The following KCNA3 variants were observed in gnomAD, a reference collection of about 807,000 sequenced individuals.
KCNA3 encodes the protein potassium voltage-gated channel subfamily A member 3, also known as RP11-284N8.3.
KCNA3 carries 18 observed loss-of-function variants against 34.3 expected under a neutral mutation model. The ratio of observed to expected loss-of-function variants is 0.52; its 90% CI spans 0.36 to 0.78. The LOEUF (loss-of-function observed/expected upper bound fraction) is 0.78. KCNA3 is among the 30% of genes least tolerant of loss of function. The pLI, the probability that KCNA3 is intolerant of heterozygous loss-of-function variation, is 0.00. For synonymous variants in KCNA3, 324 were observed against 351.7 expected, an observed-to-expected ratio of 0.92 and a Z score of 0.88; for missense variants, 587 against 802.5, an observed-to-expected ratio of 0.73 and a Z score of 3.24.
chr1:110,668,498 TAAC>T (rs1651767646), downstream of KCNA3, among the ~76,000 whole-genome samples: 1 of 152,096 alleles, frequency 6.6e-6, no homozygotes, highest in African/African-American at 2.4e-5. Context: ...AAAAGGTAAA[TAAC>T]AAGTTTTATG....
chr1:110,660,510 AAG>A, the KCNA3 span, among the ~76,000 whole-genome samples: 28 of 150,116 alleles, frequency 1.9e-4, no homozygotes, highest in Middle Eastern at 3.5e-3. Flanking sequence ...TGGAGAGAAA[AAG>A]AGAGAGAGAG....
chr1:110,673,775 G>A lies in KCNA3; in HGVS notation c.1035C>T (p.Thr345=). ...AIIPYFITLG[T]ELAERQGNGQ... ...CATTGCCCTGTCGTTCGGCCAGCTC[G>A]GTACCCAGAGTGATAAAATAAGGAA... is the stretch of plus-strand genomic sequence containing the variant. The change falls in exon 1 of 1, where the codon ACC becomes ACT. Residue 345 remains threonine, a synonymous_variant. Coordinates refer to ENST00000369769, the MANE Select transcript of KCNA3 (RefSeq NM_002232.5). This position sits in a 1 kb window ranked among gnomAD's most constrained non-coding sequence, Gnocchi z 8.8. 1 of 1,614,102 alleles carries A rather than the reference G, an allele frequency of 6.2e-7. No individual in the cohort carries two copies. Among genetic ancestry groups the A allele is most frequent in the Non-Finnish European group, 8.5e-7 (1 of 1,180,032 alleles).
downstream of KCNA3, among the ~76,000 whole-genome samples, chr1:110,671,324 A>C (rs995287690): frequency 6.6e-6 from 1 of 152,256 alleles, no homozygotes; most frequent in African/African-American, 2.4e-5. Context: ...AAATCAAATG[A>C]GAAAGGTGTA....
In KCNA3 at chr1:110,672,758, T is replaced by C. The variant is rs1202611181; in HGVS notation, c.*324A>G. 2 of 245,314 alleles carry C rather than the reference T, an allele frequency of 8.2e-6. No individual in the cohort carries two copies. Among genetic ancestry groups the C allele is most frequent in the African/African-American group, 4.5e-5 (2 of 44,806 alleles). The allele number at this position is 245,314 out of a possible 1,614,324, so 15.2% of individuals were successfully genotyped here. Reference sequence around the variant, plus strand: ...TTAAACAGTTACTCTAACTGTTCTTTAGTTTCATTTCCTCCCAGGATGTAC... The same window carrying C: ...TTAAACAGTTACTCTAACTGTTCTTCAGTTTCATTTCCTCCCAGGATGTAC... On this transcript the variant is annotated 3_prime_UTR_variant, in exon 1 of 1. Transcript: ENST00000369769.
the KCNA3 span, among the ~76,000 whole-genome samples, chr1:110,660,199 ATTTCT>A: frequency 1.3e-5 from 2 of 152,194 alleles, no homozygotes; most frequent in African/African-American, 4.8e-5. Context: ...TTAACTACAT[ATTTCT>A]TTTAATTTGT....
At chr1:110,672,109 C>A (rs543876715), downstream of KCNA3, among the ~76,000 whole-genome samples, 1 of 152,262 alleles carries the variant, frequency 6.6e-6, no homozygotes, top group Non-Finnish European at 1.5e-5. Flanking sequence ...ACTGTGGAAA[C>A]GGCAGGGGCT....
chr1:110,661,058 A>G, the KCNA3 span, among the ~76,000 whole-genome samples: 2 of 152,186 alleles, frequency 1.3e-5, no homozygotes, highest in Non-Finnish European at 2.9e-5. Flanking sequence ...ACAAAAATAA[A>G]CCCAGCTATA....
At chr1:110,662,178 G>A in the KCNA3 span, among the ~76,000 whole-genome samples, 1 of 150,150 alleles carries the variant, frequency 6.7e-6, no homozygotes, top group Non-Finnish European at 1.5e-5. Context: ...GGGTTGAAAG[G>A]CTTAGAAGAA....
At chr1:110,660,198 T>A in the KCNA3 span, among the ~76,000 whole-genome samples, 1 of 152,220 alleles carries the variant, frequency 6.6e-6, no homozygotes, top group South Asian at 2.1e-4. Flanking sequence ...ATTAACTACA[T>A]ATTTCTTTTA....
Position 110,674,358 on chromosome 1 carries a change from C to A in KCNA3, c.452G>T (p.Arg151Leu). Residue 151 changes from arginine to leucine, a missense_variant, in exon 1 of 1, where the codon CGC becomes CTC. Coordinates refer to ENST00000369769, the MANE Select transcript of KCNA3 (RefSeq NM_002232.5). The surrounding 1 kb of genome is among the most constrained non-coding windows in gnomAD (Gnocchi z 6.4). The stretch of plus-strand genomic sequence containing the variant: ...GATGGCGTCGAAGCTGGGCCGGTTG[C>A]GGTCGAAGAAGTACTCGTTGCGGAG... Reference protein sequence around the residue: ...DPLRNEYFFDRNRPSFDAILY... With the variant: ...DPLRNEYFFDLNRPSFDAILY... 1 of 1,614,162 alleles carries A rather than the reference C, an allele frequency of 6.2e-7. No homozygotes were observed. Among genetic ancestry groups the A allele is most frequent in the Non-Finnish European group, 8.5e-7 (1 of 1,180,010 alleles).
the KCNA3 span, among the ~76,000 whole-genome samples, chr1:110,667,072 T>G: frequency 6.6e-6 from 1 of 152,044 alleles, no homozygotes; most frequent in South Asian, 2.1e-4. Flanking sequence ...GTGAGGGGTG[T>G]GTGTGTGTGT....
chr1:110,668,417 T>C (rs1651764119), downstream of KCNA3, among the ~76,000 whole-genome samples: 2 of 152,268 alleles, frequency 1.3e-5, no homozygotes, highest in South Asian at 4.1e-4. Flanking sequence ...AGGAACAGAC[T>C]ACTAGTATAT....
chr1:110,674,075 G>A lies in KCNA3; in HGVS notation c.735C>T (p.Leu245=). Residue 245 remains leucine (L), a synonymous_variant, in exon 1 of 1, where the codon CTC becomes CTT. Transcript: ENST00000369769. This position sits in a 1 kb window ranked among gnomAD's most constrained non-coding sequence, Gnocchi z 6.4. ...GIAIVSVLVI[L]ISIVIFCLET... ...CCAGGCAGAAGATGACAATGGAGAT[G>A]AGGATGACCAGCACGGACACGATGG... 1 of 1,608,684 alleles carries A rather than the reference G, an allele frequency of 6.2e-7. No homozygotes were observed. The highest frequency in any genetic ancestry group is 8.5e-7 in the Non-Finnish European group (1 of 1,177,322).
chr1:110,673,951 C>T lies in KCNA3; in HGVS notation c.859G>A (p.Gly287Arg), dbSNP rs887429336. The T allele has an allele frequency of 1.1e-5, 17 of 1,614,018 alleles. No homozygotes were observed. Among genetic ancestry groups the T allele is most frequent in the Non-Finnish European group, 1.3e-5 (15 of 1,180,000 alleles). ...AGNSTSGSRA[G>R]ASSFSDPFFV... is the part of the protein sequence containing the mutation. The stretch of plus-strand genomic sequence containing the variant: ...AAGGGATCGGAGAAGCTGGAGGCTC[C>T]TGCGCGGGACCCCGACGTGCTGTTG... Residue 287 changes from glycine (G) to arginine (R), a missense_variant, in exon 1 of 1, where the codon GGA becomes AGA. Around this residue, in one of 7 missense-constraint regions of KCNA3, gnomAD observed 50 missense variants for 45.3 expected, o/e 1.10. Transcript: ENST00000369769. The surrounding 1 kb of genome is among the most constrained non-coding windows in gnomAD (Gnocchi z 8.8).
At chr1:110,662,247 C>T in the KCNA3 span, among the ~76,000 whole-genome samples, 1 of 151,544 alleles carries the variant, frequency 6.6e-6, no homozygotes, top group African/African-American at 2.4e-5. Context: ...AAACAGTGAC[C>T]TATAATTGAA....
the KCNA3 span, among the ~76,000 whole-genome samples, chr1:110,662,213 A>G: frequency 5.9e-5 from 9 of 152,110 alleles, no homozygotes; most frequent in Non-Finnish European, 1.0e-4. Flanking sequence ...ATTCTATAAA[A>G]TGAGAGAAAG....
At chr1:110,659,169 A>G in the KCNA3 span, among the ~76,000 whole-genome samples, 4 of 69,936 alleles carry the variant, frequency 5.7e-5, no homozygotes, top group Admixed American at 1.9e-4. Flanking sequence ...ACAGTCCACT[A>G]CTTAATTGAA....
the KCNA3 span, among the ~76,000 whole-genome samples, chr1:110,662,945 T>C: frequency 6.6e-6 from 1 of 152,206 alleles, no homozygotes; most frequent in African/African-American, 2.4e-5. Flanking sequence ...TTTCTGTCTG[T>C]ACTTTTTGGT....
downstream of KCNA3, among the ~76,000 whole-genome samples, chr1:110,668,383 AT>A (rs1651763411): frequency 3.9e-5 from 6 of 152,164 alleles, no homozygotes; most frequent in Admixed American, 3.9e-4. Flanking sequence ...ATAGAAGTCA[AT>A]AAGTTATAGT....
Sources: allele counts gnomAD v4.1 joint callset (sites outside exome capture counted in the v4.1 genomes callset), GRCh38; gene constraint gnomAD v4.1.1; regional missense constraint gnomAD v4.1.1; non-coding constraint Gnocchi (gnomAD v3.1); transcripts MANE v1.5; gene names NCBI Gene and HGNC (gene_info 2026-07-23, HGNC 2026-07-21).